TMEM71: variants seen among roughly 807,000 people sequenced by gnomAD.
TMEM71 encodes the protein transmembrane protein 71.
TMEM71 carries 44 observed loss-of-function variants against 38.0 expected under a neutral mutation model. That is an observed-to-expected ratio of 1.16 (90% confidence interval 0.91 to 1.49). The LOEUF is 1.49. Ranked by LOEUF, TMEM71 falls within the 40% of genes most tolerant of loss-of-function variation. The pLI, the probability that TMEM71 is intolerant of heterozygous loss-of-function variation, is 0.00. For synonymous variants in TMEM71, 133 were observed against 122.5 expected (o/e 1.09, Z -0.56); for missense variants, 367 against 348.6 (o/e 1.05, Z -0.42).
At chr8:132,766,506 A>G in the TMEM71 span, among the ~76,000 whole-genome samples, 2 of 152,138 alleles carry the variant, frequency 1.3e-5, no homozygotes, top group African/African-American at 4.8e-5. Context: ...TTTAAAAAAA[A>G]ATGCTGTATT....
the TMEM71 span, among the ~76,000 whole-genome samples, chr8:132,774,146 A>C: frequency 4.6e-5 from 7 of 152,272 alleles, no homozygotes; most frequent in South Asian, 1.4e-3. Context: ...TCAAATAGCC[A>C]TACATAATTC....
rs376172611 is a variant in TMEM71, at chr8:132,747,043, C to A, written c.386G>T (p.Trp129Leu). Residue 129 changes from tryptophan (W) to leucine (L), a missense_variant, in exon 5 of 10, where the codon TGG (tryptophan) becomes TTG (leucine). Transcript: ENST00000677595. ...SLFNLSTSKS[W>L]LHGSIFGDIN... ...GTCACCAAAGATACTTCCATGCAGC[C>A]AAGATTTGGAGGTACTGAGGTTGAA... The A allele has an allele frequency of 6.2e-7, 1 of 1,613,418 alleles. No individual in the cohort carries two copies. The highest frequency in any genetic ancestry group is 1.3e-5 in the African/African-American group (1 of 74,850).
chr8:132,741,254 T>G (rs1828017848), intron 5 of TMEM71, among the ~76,000 whole-genome samples: 1 of 152,094 alleles, frequency 6.6e-6, no homozygotes. Flanking sequence ...TCCCAGCTAC[T>G]CGGGAGGCTG....
chr8:132,751,179 C>T (rs960075164), intron 4 of TMEM71, among the ~76,000 whole-genome samples: 1 of 152,174 alleles, frequency 6.6e-6, no homozygotes, highest in African/African-American at 2.4e-5. Flanking sequence ...TTTCATCCAG[C>T]CCCTGCTCCC....
At chr8:132,713,694 G>C (rs1826356590) in intron 9 of TMEM71, among the ~76,000 whole-genome samples, 1 of 152,208 alleles carries the variant, frequency 6.6e-6, no homozygotes, top group Middle Eastern at 3.2e-3. Flanking sequence ...GGTTTCTTCA[G>C]ATGAGGTATT....
Position 132,751,775 on chromosome 8 carries a change from C to T in TMEM71, c.314+10G>A. On this transcript the variant is annotated intron_variant, in intron 4 of 9. Transcript: ENST00000677595. ...ACTTCAGATTTCTTTCTGTAATATG[C>T]TCTGCTTACCTAACTAAGTTCTCCT... 1 of 1,610,700 alleles carries T rather than the reference C, an allele frequency of 6.2e-7. No homozygotes were observed. Among genetic ancestry groups the T allele is most frequent in the Non-Finnish European group, 8.5e-7 (1 of 1,178,020 alleles).
chr8:132,769,122 A>C, the TMEM71 span, among the ~76,000 whole-genome samples: 1 of 152,238 alleles, frequency 6.6e-6, no homozygotes, highest in Non-Finnish European at 1.5e-5. Flanking sequence ...GAAGTAGAAT[A>C]TTTTCATTTG....
Position 132,727,827 on chromosome 8 carries a change from C to A in TMEM71, c.647G>T (p.Arg216Leu), listed in dbSNP as rs575676317. Residue 216 changes from arginine (R) to leucine (L), a missense_variant, in exon 6 of 10, where the codon CGT becomes CTT. Physicochemically the swap from Arg to Leu is moderately radical, Grantham distance 102. Transcript: ENST00000677595. ...SLQSQLTASE[R>L]FQENSSDHSE... ...ATGATCCGAACTATTCTCTTGGAAA[C>A]GTTCAGAAGCTGTCAACTGGGACTG... 1.2e-6 allele frequency: 2 copies of A among 1,612,442 alleles called. No individual in the cohort carries two copies. Among genetic ancestry groups the A allele is most frequent in the Admixed American group, 1.7e-5 (1 of 59,694 alleles).
At chr8:132,724,442 C>T (rs1827022755) in intron 6 of TMEM71, among the ~76,000 whole-genome samples, 2 of 152,142 alleles carry the variant, frequency 1.3e-5, no homozygotes. Flanking sequence ...CGATGTCTCT[C>T]CTACTTGCAC....
At chr8:132,715,409 C>CAAAAAAAAAAAAAAAAAAAAAAAAAA (rs975995287) in intron 7 of TMEM71, among the ~76,000 whole-genome samples, 1 of 21,564 alleles carries the variant, frequency 4.6e-5, no homozygotes. Context: ...GACTCCGTCT[C>CAAAAAAAAAAAAAAAAAAAAAAAAAA]AAAAAAAAAA....
intron 9 of TMEM71, 38 bp downstream of exon 9, chr8:132,713,957 T>A (rs771342225): frequency 6.2e-6 from 10 of 1,600,438 alleles, no homozygotes; most frequent in Non-Finnish European, 7.7e-6. Context: ...TATGATCACC[T>A]TGGTCCAGAC....
At chr8:132,754,681 G>A (rs1828908439) in intron 3 of TMEM71, among the ~76,000 whole-genome samples, 1 of 152,158 alleles carries the variant, frequency 6.6e-6, no homozygotes, top group Non-Finnish European at 1.5e-5. Context: ...CTATTTGAAT[G>A]GCTATTCATT....
At chr8:132,769,433 A>G in the TMEM71 span, among the ~76,000 whole-genome samples, 1 of 152,182 alleles carries the variant, frequency 6.6e-6, no homozygotes, top group African/African-American at 2.4e-5. Flanking sequence ...CTTACTCTAC[A>G]TCACCCAGTC....
chr8:132,722,167 A>G (rs1826890337), intron 6 of TMEM71, 52 bp from the exon 7 acceptor site: 1 of 1,415,668 alleles, frequency 7.1e-7, no homozygotes, highest in Non-Finnish European at 1.0e-6. Flanking sequence ...TGATTCAATC[A>G]TCTTGGAAGA....
Position 132,742,289 on chromosome 8 carries a change from G to A in TMEM71, c.487+4653C>T, listed in dbSNP as rs1042230097. ...GCTTGTGTCCTCGGTCTCTTGCCTC[G>A]GCGCCTGGATGGCTTGCCGCCCACA... On this transcript the variant is annotated intron_variant, in intron 5 of 9. Coordinates refer to ENST00000677595, the MANE Select transcript of TMEM71 (RefSeq NM_001382403.1). 4.6e-5 allele frequency among the ~76,000 whole-genome samples: 7 copies of A among 151,908 alleles called. No individual in the cohort carries two copies. In the South Asian group the frequency reaches 8.3e-4, roughly 18 times the overall value.
the TMEM71 span, among the ~76,000 whole-genome samples, chr8:132,767,097 G>A: frequency 6.6e-6 from 1 of 152,258 alleles, no homozygotes; most frequent in South Asian, 2.1e-4. Context: ...CTGTGAATAG[G>A]GAATGTTCCT....
At chr8:132,774,272 A>T in the TMEM71 span, among the ~76,000 whole-genome samples, 1 of 152,264 alleles carries the variant, frequency 6.6e-6, no homozygotes, top group Admixed American at 6.5e-5. Context: ...AAGAGAGTTG[A>T]GATGCTGGGC....
intron 9 of TMEM71, 44 bp downstream of exon 9, chr8:132,713,951 A>T: frequency 6.3e-7 from 1 of 1,589,334 alleles, no homozygotes; most frequent in Non-Finnish European, 8.6e-7. Flanking sequence ...TCAAATTATG[A>T]TCACCTTGGT....
At chr8:132,707,809 T>C (rs576431334), downstream of TMEM71, among the ~76,000 whole-genome samples, 2 of 152,348 alleles carry the variant, frequency 1.3e-5, no homozygotes, top group African/African-American at 4.8e-5. Context: ...TTTTCTGTTT[T>C]TCTCGTATTT....
Sources: gnomAD v4.1 joint callset for allele counts (sites outside exome capture counted in the v4.1 genomes callset) on GRCh38, gnomAD v4.1.1 for gene constraint, MANE v1.5 for transcripts, NCBI Gene and HGNC (gene_info 2026-07-23, HGNC 2026-07-21) for gene names.